PGD: variants seen among roughly 807,000 people sequenced by gnomAD.
The protein encoded by PGD is phosphogluconate dehydrogenase.
PGD carries 21 observed loss-of-function variants against 60.4 expected under a neutral mutation model. That is an observed-to-expected ratio of 0.35 (90% CI 0.25 to 0.50). PGD has a LOEUF of 0.50. Among genes scored for constraint, PGD ranks in the 20% least tolerant of loss-of-function variants. The probability of loss-of-function intolerance (pLI) is 0.98; values close to 1 mark genes in which losing one functional copy is unlikely to be tolerated. For synonymous variants in PGD, 230 were observed against 235.9 expected (o/e 0.97, Z 0.23); for missense variants, 477 against 613.1 (o/e 0.78, Z 2.34).
intron 2 of PGD, chr1:10,399,957 A>G (rs1639287888): frequency 1.8e-6 from 1 of 568,808 alleles, no homozygotes; most frequent in African/African-American, 1.9e-5. Flanking sequence ...TGTCTTAAGT[A>G]GAGAAGAAGG....
At chr1:10,418,534 T>C (rs1199856678) in intron 10 of PGD, among the ~76,000 whole-genome samples, 1 of 152,118 alleles carries the variant, frequency 6.6e-6, no homozygotes, top group Non-Finnish European at 1.5e-5. Flanking sequence ...CCCAGCGTTT[T>C]GGGAGGCCGA....
At position 10,419,920 on chromosome 1, in the gene PGD, AC is replaced by A; in HGVS notation, c.*173del. On this transcript the variant is annotated 3_prime_UTR_variant, in exon 13 of 13. Coordinates refer to ENST00000270776, the MANE Select transcript of PGD (RefSeq NM_002631.4). ...TTTGTAAAGTAGCTCTGTGAGAGCC[AC>A]CATGCCCTCTGCCCTTGCCTCTTGG... The A allele has an allele frequency of 1.3e-6, 1 of 743,342 alleles. No individual in the cohort carries two copies. The highest frequency in any genetic ancestry group is 2.2e-6 in the Non-Finnish European group (1 of 459,554). 46.0% of individuals were successfully genotyped at this position (743,342 alleles called of 1,614,324 possible). A position where few individuals can be genotyped will look rare whatever the true frequency, so the allele number is the denominator to read the frequency against.
At chr1:10,403,344 C>G (rs759064456) in intron 4 of PGD, among the ~76,000 whole-genome samples, 1 of 151,988 alleles carries the variant, frequency 6.6e-6, no homozygotes, top group Non-Finnish European at 1.5e-5. Flanking sequence ...GTAATCCCAG[C>G]ACTTTGGGAG....
intron 8 of PGD, among the ~76,000 whole-genome samples, chr1:10,414,376 GTGTT>G (rs796855811): frequency 2.0e-4 from 30 of 152,022 alleles, no homozygotes; most frequent in African/African-American, 5.8e-4. Flanking sequence ...GGTTTTCAGT[GTGTT>G]TGTTTGTTTT....
At chr1:10,418,999 T>G (rs540532179) in intron 11 of PGD, 74 bp downstream of exon 11, 98 of 454,840 alleles carry the variant, frequency 2.2e-4, no homozygotes, top group Middle Eastern at 1.2e-3. Flanking sequence ...TGGTTTTTTG[T>G]TTTTTTTTTT....
At chr1:10,399,202 T>C (rs1639265802) in intron 1 of PGD, 77 bp downstream of exon 1, 1 of 1,525,090 alleles carries the variant, frequency 6.6e-7, no homozygotes, top group Admixed American at 1.7e-5. Flanking sequence ...TCTCCCTCGT[T>C]CTCTCCGACG....
chr1:10,403,043 C>G, intron 3 of PGD, 28 bp from the exon 4 acceptor site: 1 of 1,469,334 alleles, frequency 6.8e-7, no homozygotes, highest in Non-Finnish European at 9.5e-7. Flanking sequence ...CATTTTTGGT[C>G]CATCTTAATG....
intron 5 of PGD, among the ~76,000 whole-genome samples, chr1:10,405,600 G>A (rs1639389021): frequency 6.6e-6 from 1 of 151,306 alleles, no homozygotes; most frequent in South Asian, 2.1e-4. Context: ...AGCACTTTGG[G>A]AGACTGAGAT....
At position 10,419,995 on chromosome 1, in the gene PGD, G is replaced by C. The variant is rs1639664711; in HGVS notation, c.*246G>C. 2 of 500,198 alleles carry C rather than the reference G, an allele frequency of 4.0e-6. No individual in the cohort carries two copies. The highest frequency in any genetic ancestry group is 7.2e-6 in the Non-Finnish European group (2 of 276,096). The allele number at this position is 500,198 out of a possible 1,614,324, so 31.0% of individuals were successfully genotyped here. A position where few individuals can be genotyped will look rare whatever the true frequency, so the allele number is the denominator to read the frequency against. ...GCGTGAGAGTGGGAACCATCTCCTT[G>C]CGGCAGTGGCTTCCGCGTGCCCCGT... On this transcript the variant is annotated 3_prime_UTR_variant, in exon 13 of 13. Transcript: ENST00000270776.
intron 4 of PGD, 21 bp from the exon 5 acceptor site, chr1:10,404,140 A>G: frequency 1.3e-6 from 2 of 1,502,032 alleles, no homozygotes; most frequent in Non-Finnish European, 1.8e-6. Flanking sequence ...AGCATAATGA[A>G]ATTATTTTTC....
In PGD at chr1:10,418,890, G is replaced by GA; in HGVS notation, c.1175dup (p.Asp392GlufsTer5). 6.2e-7 allele frequency: 1 copy of GA among 1,612,166 alleles called. No homozygotes were observed. The highest frequency in any genetic ancestry group is 8.5e-7 in the Non-Finnish European group (1 of 1,178,360). On this transcript the variant is annotated frameshift_variant, in exon 11 of 13. Transcript: ENST00000270776. LOFTEE classifies it high-confidence loss of function. ...CCCGGAACTTCAGAACCTCCTACTG[G>GA]ACGACTTCTTTAAGTCAGCTGTTGA...
intron 8 of PGD, 84 bp downstream of exon 8, chr1:10,413,335 A>G: frequency 2.4e-6 from 3 of 1,248,152 alleles, no homozygotes; most frequent in Non-Finnish European, 3.4e-6. Flanking sequence ...TGGTCTTTAG[A>G]GAATCTCTTC....
In PGD at chr1:10,400,585, GTGCTCTCAGC is replaced by G; in HGVS notation, c.264+18_264+27del. 1 of 1,606,126 alleles carries G rather than the reference GTGCTCTCAGC, an allele frequency of 6.2e-7. No homozygotes were observed. The highest frequency in any genetic ancestry group is 2.2e-5 in the East Asian group (1 of 44,694). ...CATCGAGAAATTGGTGAGGCCAGCT[GTGCTCTCAGC>G]TGCTACCACGATAGCAGCTGTTTTT... On this transcript the variant is annotated intron_variant, in intron 3 of 12. Transcript: ENST00000270776.
chr1:10,413,891 C>T lies in PGD; in HGVS notation c.844+640C>T, dbSNP rs549486065. Among the ~76,000 whole-genome samples the T allele has an allele frequency of 2.7e-5, 4 of 148,324 alleles. No individual in the cohort carries two copies. The East Asian group carries it at 5.9e-4, about 22-fold the overall frequency. On this transcript the variant is annotated intron_variant, in intron 8 of 12. Transcript: ENST00000270776. ...CTGCACTCCAGCCTGGGTGACAGAG[C>T]GAGACTTCGTCTCAAAAAAAAAAAA...
chr1:10,399,763 G>T (rs1472584216), intron 2 of PGD, 59 bp downstream of exon 2: 3 of 1,458,856 alleles, frequency 2.1e-6, no homozygotes, highest in East Asian at 2.3e-5. Flanking sequence ...GCCGAGGCCG[G>T]CGATAGGTTT....
chr1:10,412,955 A>G (rs1487982026), intron 7 of PGD, 107 bp from the exon 8 acceptor site: 1 of 907,726 alleles, frequency 1.1e-6, no homozygotes, highest in Non-Finnish European at 1.7e-6. Flanking sequence ...ACGCGAGCAG[A>G]GCCTGCTGGC....
chr1:10,418,152 CG>C (rs1385123295), intron 10 of PGD, among the ~76,000 whole-genome samples: 1 of 152,218 alleles, frequency 6.6e-6, no homozygotes, highest in African/African-American at 2.4e-5. Flanking sequence ...CTACACATGA[CG>C]TTACATCGTT....
chr1:10,408,021 T>A, intron 5 of PGD, 50 bp from the exon 6 acceptor site: 1 of 1,062,752 alleles, frequency 9.4e-7, no homozygotes, highest in African/African-American at 1.6e-5. Context: ...GGGTATGGGC[T>A]CTCAGCCCGT....
In PGD at chr1:10,400,267, G is replaced by A. The variant is rs908096829; in HGVS notation, c.85-126G>A. On this transcript the variant is annotated intron_variant, in intron 2 of 12. Coordinates refer to ENST00000270776, the MANE Select transcript of PGD (RefSeq NM_002631.4). ...AGTGAGCCTCCCACAGCTGGGGGAA[G>A]AAAAGGCAAAGGCAGGTCTGACCTC... 5.9e-6 allele frequency: 4 copies of A among 676,544 alleles called. No individual in the cohort carries two copies. In the African/African-American group the frequency reaches 7.2e-5, roughly 12 times the overall value. The allele number at this position is 676,544 out of a possible 1,614,324, so 41.9% of individuals were successfully genotyped here.
Sources: gnomAD v4.1 joint callset for allele counts (sites outside exome capture counted in the v4.1 genomes callset) on GRCh38, gnomAD v4.1.1 for gene constraint, MANE v1.5 for transcripts, NCBI Gene and HGNC (gene_info 2026-07-23, HGNC 2026-07-21) for gene names.